MYH13: variants seen among roughly 807,000 people sequenced by gnomAD.
MYH13 encodes the protein myosin heavy chain 13, also known as myosin-13.
Under a neutral mutation model 232.1 loss-of-function variants are expected in MYH13, and 177 were observed. The observed-to-expected ratio is 0.76, with a 90% CI of 0.67 to 0.86. The LOEUF is 0.86. MYH13 is among the 40% of genes least tolerant of loss of function. The pLI, the probability that MYH13 is intolerant of heterozygous loss-of-function variation, is 0.00. For synonymous variants in MYH13, 884 were observed against 923.5 expected (o/e 0.96, Z 0.78); for missense variants, 2,246 against 2,405.9 (o/e 0.93, Z 1.39).
intron 11 of MYH13, 188 bp from the exon 12 acceptor site, chr17:10,350,882 G>T: frequency 1.5e-6 from 1 of 679,812 alleles, no homozygotes; most frequent in Non-Finnish European, 2.6e-6. Flanking sequence ...GGTGGGTGAA[G>T]ACTATGGGAA....
intron 21 of MYH13, among the ~76,000 whole-genome samples, chr17:10,329,630 G>A (rs1907341855): frequency 6.6e-6 from 1 of 152,198 alleles, no homozygotes; most frequent in African/African-American, 2.4e-5. Context: ...ACAGCCACCT[G>A]CTTGTCGGGC....
intron 7 of MYH13, 82 bp from the exon 8 acceptor site, chr17:10,357,909 T>C: frequency 1.6e-6 from 2 of 1,261,954 alleles, no homozygotes; most frequent in Non-Finnish European, 2.3e-6. Context: ...CGGTGGGTAC[T>C]CTGGGCAGGT....
intron 8 of MYH13, among the ~76,000 whole-genome samples, chr17:10,356,513 A>C (rs922544754): frequency 6.6e-6 from 1 of 152,178 alleles, no homozygotes; most frequent in Non-Finnish European, 1.5e-5. Context: ...CATGGGTAAC[A>C]TACCTCTGCC....
chr17:10,334,932 G>T (rs1438763125), intron 18 of MYH13, among the ~76,000 whole-genome samples: 1 of 151,608 alleles, frequency 6.6e-6, no homozygotes, highest in Non-Finnish European at 1.5e-5. Context: ...TAGAACCGCC[G>T]ATGTGGAGAG....
In MYH13 at chr17:10,303,511, A is replaced by C; in HGVS notation, c.5467-13T>G. 4.3e-6 allele frequency: 7 copies of C among 1,609,914 alleles called. No individual in the cohort carries two copies. The highest frequency in any genetic ancestry group is 6.0e-6 in the Non-Finnish European group (7 of 1,176,154). ...CCAGCTCCCGCACCTGAGTAGGATG[A>C]AAGGAACACAGAATTCAAATCTCCT... On this transcript the variant is annotated splice_polypyrimidine_tract_variant and intron_variant, in intron 37 of 40. Transcript: ENST00000252172.
chr17:10,355,154 A>G lies in MYH13; in HGVS notation c.739-7T>C. On this transcript the variant is annotated splice_region_variant and splice_polypyrimidine_tract_variant and intron_variant, in intron 8 of 40. Transcript: ENST00000252172. The stretch of plus-strand genomic sequence containing the variant: ...GAATCCGAATGAACTTCCCCTGTCC[A>G]ATAACAGGTGGACAAATGTTACGGT... 1.3e-6 allele frequency: 2 copies of G among 1,567,972 alleles called. No homozygotes were observed. Among genetic ancestry groups the G allele is most frequent in the South Asian group, 2.3e-5 (2 of 85,678 alleles).
chr17:10,301,394 A>G (rs985975924), intron 40 of MYH13, among the ~76,000 whole-genome samples, 175 bp downstream of exon 40: 4 of 152,130 alleles, frequency 2.6e-5, no homozygotes, highest in African/African-American at 9.7e-5. Flanking sequence ...AGCCATACTC[A>G]GGTACTTGCT....
At chr17:10,320,310 C>CT in intron 25 of MYH13, 41 bp downstream of exon 25, 2 of 1,608,654 alleles carry the variant, frequency 1.2e-6, no homozygotes, top group Middle Eastern at 3.3e-4. Flanking sequence ...TGAAAGTTGG[C>CT]TTTTAGGCTG....
At chr17:10,303,574 T>TGG in intron 37 of MYH13, 76 bp from the exon 38 acceptor site, 1 of 1,294,054 alleles carries the variant, frequency 7.7e-7, no homozygotes, top group Non-Finnish European at 1.1e-6. Context: ...GGCCAATCAT[T>TGG]CTAGAGTGAA....
intron 5 of MYH13, among the ~76,000 whole-genome samples, chr17:10,361,525 C>A (rs1286464346): frequency 6.6e-6 from 1 of 152,154 alleles, no homozygotes; most frequent in African/African-American, 2.4e-5. Flanking sequence ...AACTCCTGAC[C>A]TCAGGTGATC....
chr17:10,324,311 T>C (rs1238566720), intron 22 of MYH13, 47 bp from the exon 23 acceptor site: 1 of 1,605,904 alleles, frequency 6.2e-7, no homozygotes, highest in Non-Finnish European at 8.5e-7. Context: ...TCTTTGAAAA[T>C]GCTACAAAGA....
rs1014050339 is a variant in MYH13 at position 10,311,938 on chromosome 17, G to A, written c.4504C>T (p.Leu1502=). ...YEEVVDQLET[L]RRENKNLQEE... ...TGCAGATTTTTGTTCTCTCGCCTCA[G>A]TGTCTCTAACTGGTCCACCACCTCC... Residue 1502 remains leucine (L), a synonymous_variant, in exon 32 of 41, where the codon CTG becomes TTG. Coordinates refer to ENST00000252172, the MANE Select transcript of MYH13 (RefSeq NM_003802.3). 2 of 1,613,868 alleles carry A rather than the reference G, an allele frequency of 1.2e-6. No individual in the cohort carries two copies. Among genetic ancestry groups the A allele is most frequent in the African/African-American group, 2.7e-5 (2 of 74,922 alleles).
At position 10,330,439 on chromosome 17, in the gene MYH13, C is replaced by T; in HGVS notation, c.2383G>A (p.Val795Met). The T allele has an allele frequency of 1.9e-6, 3 of 1,613,602 alleles. No homozygotes were observed. The South Asian group carries it at 3.3e-5, about 18-fold the overall frequency. ...LVTLMTSTQAVCRGYLMRVEF... is the reference protein window; with the variant it reads ...LVTLMTSTQAMCRGYLMRVEF... ...ACCCGCATCAGGTACCCCCTGCACA[C>T]CGCCTGCGTGCTTGTCATCAGCGTC... Residue 795 changes from valine (V) to methionine (M), a missense_variant, in exon 21 of 41, where the codon GTG becomes ATG. Transcript: ENST00000252172.
At chr17:10,371,504 A>G (rs944096916) in intron 1 of MYH13, among the ~76,000 whole-genome samples, 1 of 152,246 alleles carries the variant, frequency 6.6e-6, no homozygotes, top group African/African-American at 2.4e-5. Flanking sequence ...CTGTGTGTAC[A>G]ATGTACTGTG....
intron 2 of MYH13, among the ~76,000 whole-genome samples, chr17:10,370,846 G>T (rs1013138233): frequency 6.6e-6 from 1 of 152,170 alleles, no homozygotes; most frequent in East Asian, 1.9e-4. Context: ...CAGCTGTGTG[G>T]ATTCATGGGT....
intron 18 of MYH13, among the ~76,000 whole-genome samples, chr17:10,338,220 G>T (rs769153763): frequency 9.6e-6 from 1 of 103,938 alleles, no homozygotes; most frequent in Non-Finnish European, 2.1e-5. Flanking sequence ...AACAGAAATG[G>T]ATATTTTCCA....
chr17:10,350,698 G>A lies in MYH13; in HGVS notation c.1006-4C>T, dbSNP rs1269522467. The stretch of plus-strand genomic sequence containing the variant: ...AGCCCAGGATGTCAATGGCATTCTG[G>A]AAAGAAAAAAAGGACAACTGTCATA... On this transcript the variant is annotated splice_polypyrimidine_tract_variant and splice_region_variant and intron_variant, in intron 11 of 40. Transcript: ENST00000252172. 6.2e-7 allele frequency: 1 copy of A among 1,611,838 alleles called. No individual in the cohort carries two copies. Among genetic ancestry groups the A allele is most frequent in the South Asian group, 1.1e-5 (1 of 90,802 alleles).
intron 40 of MYH13, among the ~76,000 whole-genome samples, chr17:10,301,194 G>A (rs897530776): frequency 1.6e-4 from 25 of 152,206 alleles, no homozygotes; most frequent in Non-Finnish European, 5.9e-5. Context: ...AACAGGGACA[G>A]ACAGGGATGA....
At chr17:10,346,629 G>T in intron 13 of MYH13, 51 bp downstream of exon 13, 2 of 1,427,682 alleles carry the variant, frequency 1.4e-6, no homozygotes, top group South Asian at 1.2e-5. Context: ...TAAGATAATG[G>T]CTCAAATAGC....
Sources: gnomAD v4.1 joint callset for allele counts (sites outside exome capture counted in the v4.1 genomes callset) on GRCh38, gnomAD v4.1.1 for gene constraint, MANE v1.5 for transcripts, NCBI Gene and HGNC (gene_info 2026-07-23, HGNC 2026-07-21) for gene names.